Variants in ZBTB7C observed in about 807,000 individuals in gnomAD.
ZBTB7C encodes the protein zinc finger and BTB domain containing 7C, also known as zinc finger and BTB domain-containing protein 7C.
A neutral mutation model predicts 25.7 loss-of-function variants in ZBTB7C; 8 were observed. The observed-to-expected ratio is 0.31, with a 90% CI of 0.18 to 0.56. The LOEUF (loss-of-function observed/expected upper bound fraction) is 0.56, where lower values mean the gene tolerates loss of function less well. Ranked by LOEUF, ZBTB7C falls within the 20% of genes least tolerant of loss-of-function variation. ZBTB7C has a pLI of 0.91. For missense variants in ZBTB7C, 824 were observed against 855.2 expected (o/e 0.96, Z 0.46); for synonymous variants, 394 against 369.0 (o/e 1.07, Z -0.78).
chr18:48,134,952 C>G (rs1230061389), intron 3 of ZBTB7C, among the ~76,000 whole-genome samples: 1 of 152,202 alleles, frequency 6.6e-6, no homozygotes, highest in Non-Finnish European at 1.5e-5. Context: ...GGGACAAGTC[C>G]TGGTGACTGC....
chr18:48,084,010 T>C, intron 3 of ZBTB7C: 2 of 431,134 alleles, frequency 4.6e-6, no homozygotes, highest in Non-Finnish European at 6.2e-6. Context: ...CTATGGAAGG[T>C]TTCCACACCG....
chr18:48,274,408 T>C (rs1251006038), intron 2 of ZBTB7C, among the ~76,000 whole-genome samples: 1 of 152,186 alleles, frequency 6.6e-6, no homozygotes, highest in East Asian at 1.9e-4. Flanking sequence ...ACAAAAGCAC[T>C]ATGTCCACCC....
At chr18:48,324,814 G>A (rs1326250012) in intron 2 of ZBTB7C, among the ~76,000 whole-genome samples, 1 of 152,164 alleles carries the variant, frequency 6.6e-6, no homozygotes, top group African/African-American at 2.4e-5. Context: ...GAAACGCCGG[G>A]GGACCTGTCT....
intron 3 of ZBTB7C, among the ~76,000 whole-genome samples, chr18:48,103,825 G>C (rs768355519): frequency 6.6e-6 from 1 of 152,142 alleles, no homozygotes; most frequent in Non-Finnish European, 1.5e-5. Context: ...AAGTGAAAGA[G>C]GCCAGCCACC....
At chr18:48,384,600 G>A (rs1297909894) in intron 1 of ZBTB7C, among the ~76,000 whole-genome samples, 2 of 152,146 alleles carry the variant, frequency 1.3e-5, no homozygotes, top group African/African-American at 4.8e-5. Flanking sequence ...ACACAAATTC[G>A]TAAACTTTCT....
At chr18:48,032,232 G>A (rs987318961) in intron 4 of ZBTB7C, among the ~76,000 whole-genome samples, 15 of 151,854 alleles carry the variant, frequency 9.9e-5, no homozygotes, top group Non-Finnish European at 2.2e-4. Flanking sequence ...TCCTGCCTCA[G>A]CCTCTCGAGT....
In ZBTB7C at chr18:48,029,548, G is replaced by T; in HGVS notation, c.1572C>A (p.Cys524Ter). 1 of 1,554,028 alleles carries T rather than the reference G, an allele frequency of 6.4e-7. No individual in the cohort carries two copies. The highest frequency in any genetic ancestry group is 8.6e-7 in the Non-Finnish European group (1 of 1,161,398). ...VGGHLGGAAV[C>*]LPGPSPAKHF... ...GCTTGGCGGGGCTGGGGCCCGGGAG[G>T]CACACAGCTGCGCCGCCCAGGTGGC... is the stretch of plus-strand genomic sequence containing the variant. The change falls in exon 5 of 5, where the codon TGC becomes TGA. Residue 524 changes from cysteine to a stop codon, truncating the protein, a stop_gained. Transcript: ENST00000590800. LOFTEE classifies it high-confidence loss of function.
At chr18:48,119,497 A>G (rs1456936785) in intron 3 of ZBTB7C, among the ~76,000 whole-genome samples, 6 of 152,240 alleles carry the variant, frequency 3.9e-5, no homozygotes, top group Admixed American at 6.5e-5. Flanking sequence ...ATTTTCCAAC[A>G]AAGTGCACTT....
chr18:48,197,913 T>C (rs1242751760), intron 2 of ZBTB7C, among the ~76,000 whole-genome samples: 1 of 152,210 alleles, frequency 6.6e-6, no homozygotes, highest in Non-Finnish European at 1.5e-5. Context: ...TCTATTAGTG[T>C]CTCATAATGA....
intron 2 of ZBTB7C, among the ~76,000 whole-genome samples, chr18:48,305,760 A>G (rs2045657901): frequency 6.6e-6 from 1 of 152,094 alleles, no homozygotes; most frequent in Non-Finnish European, 1.5e-5. Context: ...CCTCCTAAGG[A>G]TTTGGTATGG....
At chr18:48,344,720 C>T (rs200200533) in intron 1 of ZBTB7C, among the ~76,000 whole-genome samples, 4 of 152,154 alleles carry the variant, frequency 2.6e-5, no homozygotes, top group East Asian at 3.8e-4. Context: ...CAGAAGAATG[C>T]TTATAGCATA....
At chr18:48,127,728 G>T (rs1353525754) in intron 3 of ZBTB7C, among the ~76,000 whole-genome samples, 1 of 152,228 alleles carries the variant, frequency 6.6e-6, no homozygotes. Flanking sequence ...TCTGCCTGGG[G>T]CTGCAGAGAG....
At chr18:48,267,899 T>A (rs2044358388) in intron 2 of ZBTB7C, among the ~76,000 whole-genome samples, 1 of 152,192 alleles carries the variant, frequency 6.6e-6, no homozygotes, top group African/African-American at 2.4e-5. Flanking sequence ...AAGAAACTAA[T>A]GTCTTTTGTT....
chr18:48,359,546 T>G (rs2047055463), intron 1 of ZBTB7C, among the ~76,000 whole-genome samples: 1 of 152,090 alleles, frequency 6.6e-6, no homozygotes, highest in Admixed American at 6.5e-5. Flanking sequence ...AAGAATGAGT[T>G]TGACAGCTGC....
chr18:48,123,256 C>G (rs1309550340), intron 3 of ZBTB7C, among the ~76,000 whole-genome samples: 1 of 152,200 alleles, frequency 6.6e-6, no homozygotes, highest in African/African-American at 2.4e-5. Flanking sequence ...AGTTTACAAA[C>G]GAATGAGAAA....
intron 1 of ZBTB7C, among the ~76,000 whole-genome samples, chr18:48,385,984 A>C (rs938454373): frequency 3.3e-5 from 5 of 152,158 alleles, no homozygotes; most frequent in African/African-American, 1.2e-4. Flanking sequence ...GATATTATAC[A>C]ATATGTGAAC....
chr18:48,106,757 C>A (rs557064453), intron 3 of ZBTB7C, among the ~76,000 whole-genome samples: 3 of 151,706 alleles, frequency 2.0e-5, no homozygotes, highest in East Asian at 3.9e-4. Context: ...TGGCTCAATT[C>A]AGAGAGAACC....
At position 48,029,804 on chromosome 18, in the gene ZBTB7C, A is replaced by G. The variant is rs1176977766; in HGVS notation, c.1316T>C (p.Met439Thr). The G allele has an allele frequency of 1.2e-6, 2 of 1,609,082 alleles. No homozygotes were observed. Among genetic ancestry groups the G allele is most frequent in the Non-Finnish European group, 1.7e-6 (2 of 1,179,998 alleles). ...GGGCCGCACGCCCGTGTGGATGCGC[A>G]TGTGGTTCTTGAGGTCGTAGTTGTG... ...FVHNYDLKNH[M>T]RIHTGVRPYQ... Residue 439 changes from methionine to threonine, a missense_variant, in exon 5 of 5, where the codon ATG (methionine) becomes ACG (threonine). Met to Thr is a moderately conservative substitution (Grantham distance 81, BLOSUM62 -1). Around this residue, in one of 4 missense-constraint regions of ZBTB7C, gnomAD observed 342 missense variants for 307.0 expected, o/e 1.11. Transcript: ENST00000590800.
Position 48,371,167 on chromosome 18 carries a change from C to A in ZBTB7C, c.-303-32769G>T, listed in dbSNP as rs7241290. Among the ~76,000 whole-genome samples the A allele has an allele frequency of 5.2e-3, 797 of 152,206 alleles. 8 individuals are homozygous for A. The highest frequency in any genetic ancestry group is 0.018 in the African/African-American group (751 of 41,514). ...GAGGCGAGAGGAGGAAGCCTACACT[C>A]AATACCCAAAACCTACAGTTTCTGC... On this transcript the variant is annotated intron_variant, in intron 1 of 4. Coordinates refer to ENST00000590800, the MANE Select transcript of ZBTB7C (RefSeq NM_001318841.2).
Sources: gnomAD v4.1 joint callset for allele counts (sites outside exome capture counted in the v4.1 genomes callset) on GRCh38, gnomAD v4.1.1 for gene constraint, gnomAD v4.1.1 regional missense constraint, MANE v1.5 for transcripts, NCBI Gene and HGNC (gene_info 2026-07-23, HGNC 2026-07-21) for gene names.